Variants in ANKS1A observed in about 807,000 individuals in gnomAD.
ANKS1A encodes the protein ankyrin repeat and sterile alpha motif domain containing 1A, also known as ankyrin repeat and SAM domain-containing protein 1A.
Under a neutral mutation model 120.3 loss-of-function variants are expected in ANKS1A, and 55 were observed. The observed-to-expected ratio is 0.46, with a 90% CI of 0.37 to 0.57. The LOEUF (loss-of-function observed/expected upper bound fraction) is 0.57. Ranked by LOEUF, ANKS1A falls within the 20% of genes least tolerant of loss-of-function variation. The pLI is 0.00. For missense variants in ANKS1A, 1,123 were observed against 1,480.3 expected (o/e 0.76, Z 3.96); for synonymous variants, 590 against 604.7 (o/e 0.98, Z 0.36).
intron 1 of ANKS1A, among the ~76,000 whole-genome samples, chr6:34,959,190 T>G (rs1188592610): frequency 6.6e-6 from 1 of 152,254 alleles, no homozygotes; most frequent in Admixed American, 6.5e-5. Flanking sequence ...AACTTATGGT[T>G]CTTCTGTCGC....
At chr6:35,070,535 G>GCT (rs796939040) in intron 13 of ANKS1A, among the ~76,000 whole-genome samples, 111 of 132,056 alleles carry the variant, frequency 8.4e-4, no homozygotes, top group African/African-American at 2.8e-3. Context: ...TGTTGCCCAG[G>GCT]CTAGAGTACA....
At chr6:34,949,621 C>G (rs1386717928) in intron 1 of ANKS1A, among the ~76,000 whole-genome samples, 1 of 152,164 alleles carries the variant, frequency 6.6e-6, no homozygotes, top group Non-Finnish European at 1.5e-5. Flanking sequence ...AAATAAATAT[C>G]TGGGATTTAG....
Position 35,090,673 on chromosome 6 carries a change from C to A in ANKS1A, c.*2064C>A. The A allele has an allele frequency of 1.0e-6, 1 of 988,678 alleles. No individual in the cohort carries two copies. The allele number at this position is 988,678 out of a possible 1,614,324, so 61.2% of individuals were successfully genotyped here. On this transcript the variant is annotated 3_prime_UTR_variant, in exon 24 of 24. Transcript: ENST00000360359. ...CTCTGGGATGGGTAGTCTCCCTTTCCTAGAAAGGTTATTATAACTTTAAGG... is the reference window on the plus strand; with the variant it reads ...CTCTGGGATGGGTAGTCTCCCTTTCATAGAAAGGTTATTATAACTTTAAGG...
chr6:34,944,636 C>T (rs1402042079), intron 1 of ANKS1A, among the ~76,000 whole-genome samples: 1 of 152,026 alleles, frequency 6.6e-6, no homozygotes, highest in Non-Finnish European at 1.5e-5. Context: ...CTGCATATAC[C>T]AAAATCTGTG....
intron 1 of ANKS1A, among the ~76,000 whole-genome samples, chr6:34,912,776 G>T (rs1158650064): frequency 6.6e-6 from 1 of 152,180 alleles, no homozygotes; most frequent in Non-Finnish European, 1.5e-5. Context: ...ATTTTGGATG[G>T]ATTGAAAAGC....
chr6:35,082,668 G>C lies in ANKS1A; in HGVS notation c.2710-23G>C. 4 of 1,599,882 alleles carry C rather than the reference G, an allele frequency of 2.5e-6. No homozygotes were observed. Among genetic ancestry groups the C allele is most frequent in the Non-Finnish European group, 3.4e-6 (4 of 1,172,788 alleles). On this transcript the variant is annotated intron_variant, in intron 17 of 23. Coordinates refer to ENST00000360359, the MANE Select transcript of ANKS1A (RefSeq NM_015245.3). This position sits in a 1 kb window ranked among gnomAD's most constrained non-coding sequence, Gnocchi z 4.1. ...TGCTCCTCTGGAGCAAGGAGCAGGT[G>C]TCCAATTGCGTGTGTTTCGCAGGAG...
intron 12 of ANKS1A, among the ~76,000 whole-genome samples, chr6:35,059,684 A>G (rs1226106095): frequency 6.6e-6 from 1 of 152,146 alleles, no homozygotes; most frequent in Non-Finnish European, 1.5e-5. Context: ...GGGGCTCCAG[A>G]AGTTGCATGG....
At position 34,914,410 on chromosome 6, in the gene ANKS1A, C is replaced by T. The variant is rs77873956; in HGVS notation, c.197+24811C>T. Among the ~76,000 whole-genome samples the T allele has an allele frequency of 4.2e-3, 638 of 152,250 alleles. 4 individuals carry two copies. The highest frequency in any genetic ancestry group is 0.014 in the African/African-American group (595 of 41,546). On this transcript the variant is annotated intron_variant, in intron 1 of 23. Transcript: ENST00000360359. The stretch of plus-strand genomic sequence containing the variant: ...TCATTGTTTGCCCAATAAAAATAAT[C>T]GTCACTTCGTAAATCACCCTAATGA...
chr6:35,095,599 A>C (rs867003293), downstream of ANKS1A, among the ~76,000 whole-genome samples: 33 of 105,146 alleles, frequency 3.1e-4, no homozygotes, highest in African/African-American at 7.4e-4. Flanking sequence ...AAAGAGAGAA[A>C]GAAAGAGAGA....
intron 1 of ANKS1A, among the ~76,000 whole-genome samples, chr6:34,942,042 T>A (rs535769802): frequency 6.6e-6 from 1 of 152,342 alleles, no homozygotes; most frequent in Admixed American, 6.5e-5. Flanking sequence ...CTAGTTGTAA[T>A]CTTGAGGATT....
chr6:35,087,252 C>T (rs979477732), intron 23 of ANKS1A, among the ~76,000 whole-genome samples: 2 of 152,222 alleles, frequency 1.3e-5, no homozygotes, highest in African/African-American at 4.8e-5. Flanking sequence ...CTACCACCAC[C>T]GAACACTGTG....
chr6:35,089,424 G>A lies in ANKS1A; in HGVS notation c.*815G>A, dbSNP rs756700135. The A allele has an allele frequency of 1.3e-5, 13 of 986,542 alleles. No individual in the cohort carries two copies. The highest frequency in any genetic ancestry group is 1.6e-5 in the Non-Finnish European group (13 of 830,614). The allele number at this position is 986,542 out of a possible 1,614,324, so 61.1% of individuals were successfully genotyped here. ...GGAGCACTGCCCTGGGCTGGCCGGC[G>A]CCGTACTGCCTGCGTTGTGTCAGAG... On this transcript the variant is annotated 3_prime_UTR_variant, in exon 24 of 24. Coordinates refer to ENST00000360359, the MANE Select transcript of ANKS1A (RefSeq NM_015245.3).
At chr6:35,095,842 C>T (rs537383289), downstream of ANKS1A, among the ~76,000 whole-genome samples, 26 of 152,272 alleles carry the variant, frequency 1.7e-4, no homozygotes, top group South Asian at 8.3e-4. Context: ...CTGGCCCCAC[C>T]GTTGTTATTG....
At position 35,088,707 on chromosome 6, in the gene ANKS1A, C is replaced by T. The variant is rs1473197013; in HGVS notation, c.*98C>T. On this transcript the variant is annotated 3_prime_UTR_variant, in exon 24 of 24. Coordinates refer to ENST00000360359, the MANE Select transcript of ANKS1A (RefSeq NM_015245.3). ...TCGCCTCACCTGCAGCTCTGAAGACCCAGGCCTCACCTCCGCCTGCAGGAC... is the reference window on the plus strand; with the variant it reads ...TCGCCTCACCTGCAGCTCTGAAGACTCAGGCCTCACCTCCGCCTGCAGGAC... 6.2e-7 allele frequency: 1 copy of T among 1,612,398 alleles called. No homozygotes were observed. Among genetic ancestry groups the T allele is most frequent in the Non-Finnish European group, 8.5e-7 (1 of 1,179,506 alleles).
chr6:34,974,488 A>G (rs1771455759), intron 3 of ANKS1A, among the ~76,000 whole-genome samples: 1 of 146,066 alleles, frequency 6.8e-6, no homozygotes, highest in Non-Finnish European at 1.5e-5. Flanking sequence ...AAATGCAGTG[A>G]TTGGCCTGCT....
chr6:35,030,431 A>T (rs998071482), intron 11 of ANKS1A, among the ~76,000 whole-genome samples: 1 of 152,200 alleles, frequency 6.6e-6, no homozygotes, highest in Non-Finnish European at 1.5e-5. Context: ...ATTTCTGGCA[A>T]ATTCTAAAAT....
At chr6:35,027,560 TG>T (rs1774693104) in intron 11 of ANKS1A, among the ~76,000 whole-genome samples, 1 of 152,074 alleles carries the variant, frequency 6.6e-6, no homozygotes, top group African/African-American at 2.4e-5. Flanking sequence ...AGCCAGATGG[TG>T]GGGGATAGGC....
At position 35,084,080 on chromosome 6, in the gene ANKS1A, G is replaced by A. The variant is rs1487254782; in HGVS notation, c.2995-41G>A. 1 of 1,611,026 alleles carries A rather than the reference G, an allele frequency of 6.2e-7. No homozygotes were observed. The highest frequency in any genetic ancestry group is 8.5e-7 in the Non-Finnish European group (1 of 1,178,170). On this transcript the variant is annotated intron_variant, in intron 20 of 23. Coordinates refer to ENST00000360359, the MANE Select transcript of ANKS1A (RefSeq NM_015245.3). This position sits in a 1 kb window ranked among gnomAD's most constrained non-coding sequence, Gnocchi z 4.8. Reference sequence around the variant, plus strand: ...CTGGGGCAGGGGGTGCCAGAGGCATGCCTGAGCCTGAGAATTCCAGAACAC... The same window carrying A: ...CTGGGGCAGGGGGTGCCAGAGGCATACCTGAGCCTGAGAATTCCAGAACAC...
In ANKS1A at chr6:35,081,091, G is replaced by T; in HGVS notation, c.2642G>T (p.Gly881Val). The T allele has an allele frequency of 6.2e-7, 1 of 1,613,804 alleles. No individual in the cohort carries two copies. ...ADLLLPPGDT[G>V]RRRHDSLHDP... ...CTGCTGCTGCCTCCAGGGGACACAG[G>T]CAGGAGGCGCCATGACAGTCTCCAT... The change falls in exon 17 of 24, where the codon GGC becomes GTC. Residue 881 changes from glycine (G) to valine (V), a missense_variant. Coordinates refer to ENST00000360359, the MANE Select transcript of ANKS1A (RefSeq NM_015245.3).
Sources: gnomAD v4.1 joint callset for allele counts (sites outside exome capture counted in the v4.1 genomes callset) on GRCh38, gnomAD v4.1.1 for gene constraint, Gnocchi (gnomAD v3.1) non-coding constraint, MANE v1.5 for transcripts, NCBI Gene and HGNC (gene_info 2026-07-23, HGNC 2026-07-21) for gene names.